The following PTPRD variants were observed in gnomAD, a reference collection of about 807,000 sequenced individuals.
PTPRD encodes the protein receptor-type tyrosine-protein phosphatase delta.
PTPRD carries 34 observed loss-of-function variants against 214.5 expected under a neutral mutation model. The ratio of observed to expected loss-of-function variants is 0.16; its 90% CI spans 0.12 to 0.21. The LOEUF is 0.21. PTPRD is among the 10% of genes least tolerant of loss of function. The probability of loss-of-function intolerance (pLI) is 1.00; values close to 1 mark genes in which losing one functional copy is unlikely to be tolerated. For missense variants in PTPRD, 2,545 were observed against 2,398.7 expected, an observed-to-expected ratio of 1.06 and a Z score of -1.27; for synonymous variants, 1,128 against 845.7, an observed-to-expected ratio of 1.33 and a Z score of -5.79.
At chr9:9,550,377 A>G (rs117999702) in intron 8 of PTPRD, among the ~76,000 whole-genome samples, 2,453 of 149,510 alleles carry the variant, frequency 0.016, 38 homozygotes, top group Admixed American at 0.026. Context: ...TCATATACAT[A>G]TAGTTCTCTC....
intron 10 of PTPRD, among the ~76,000 whole-genome samples, chr9:9,170,178 G>A (rs1299415122): frequency 6.6e-6 from 1 of 152,172 alleles, no homozygotes; most frequent in African/African-American, 2.4e-5. Flanking sequence ...AATAACACCA[G>A]AGGAGCAATT....
rs542334694 is a variant in PTPRD at position 10,353,380 on chromosome 9, T to A, written c.-599-12363A>T. ...TCCTGGCATTTGACTATTTCAGAGTTTGTTTATTCCACTTCCTAACAGCAC... is the reference window on the plus strand; with the variant it reads ...TCCTGGCATTTGACTATTTCAGAGTATGTTTATTCCACTTCCTAACAGCAC... On this transcript the variant is annotated intron_variant, in intron 2 of 45. Coordinates refer to ENST00000381196, the MANE Select transcript of PTPRD (RefSeq NM_002839.4). Among the ~76,000 whole-genome samples the A allele has an allele frequency of 3.3e-4, 50 of 152,114 alleles. No homozygotes were observed. The South Asian group carries it at 0.01, about 31-fold the overall frequency.
At chr9:9,627,539 T>C (rs961608830) in intron 7 of PTPRD, among the ~76,000 whole-genome samples, 4 of 152,208 alleles carry the variant, frequency 2.6e-5, no homozygotes, top group African/African-American at 9.6e-5. Context: ...TCTTCTTCTC[T>C]GTAAGGTGGG....
chr9:9,777,043 A>G (rs1231194140), intron 5 of PTPRD, among the ~76,000 whole-genome samples: 2 of 152,204 alleles, frequency 1.3e-5, no homozygotes, highest in Admixed American at 1.3e-4. Context: ...GAGTTGTTTT[A>G]TAAACACATA....
At chr9:8,464,553 T>C (rs1436562116) in intron 32 of PTPRD, among the ~76,000 whole-genome samples, 1 of 152,038 alleles carries the variant, frequency 6.6e-6, no homozygotes, top group East Asian at 1.9e-4. Context: ...CTTTGATACA[T>C]TGTGAGCTGC....
At chr9:9,784,947 G>C (rs1441083138) in intron 5 of PTPRD, among the ~76,000 whole-genome samples, 1 of 148,134 alleles carries the variant, frequency 6.8e-6, no homozygotes, top group East Asian at 2.0e-4. Context: ...GTTTGAGCAG[G>C]GTTTGCTATG....
intron 14 of PTPRD, among the ~76,000 whole-genome samples, chr9:8,593,690 G>A (rs998399375): frequency 6.6e-6 from 1 of 152,186 alleles, no homozygotes; most frequent in Admixed American, 6.5e-5. Context: ...ATATCCTTAA[G>A]AGGAGTGGTA....
chr9:10,026,717 T>C, intron 4 of PTPRD, among the ~76,000 whole-genome samples: 1 of 152,110 alleles, frequency 6.6e-6, no homozygotes, highest in South Asian at 2.1e-4. Flanking sequence ...GTTTTCACAA[T>C]AGACAATATT....
chr9:8,709,242 C>A (rs997467862), intron 12 of PTPRD, among the ~76,000 whole-genome samples: 1 of 152,036 alleles, frequency 6.6e-6, no homozygotes, highest in African/African-American at 2.4e-5. Context: ...AGGCCAGGCG[C>A]AGTGGCTCGC....
intron 2 of PTPRD, among the ~76,000 whole-genome samples, chr9:10,361,003 G>A (rs1034521400): frequency 1.3e-5 from 2 of 152,114 alleles, no homozygotes; most frequent in Non-Finnish European, 2.9e-5. Flanking sequence ...TCGGGAGGCT[G>A]AGGCAGGAGA....
At chr9:9,632,204 A>G (rs2095616903) in intron 7 of PTPRD, among the ~76,000 whole-genome samples, 2 of 152,228 alleles carry the variant, frequency 1.3e-5, no homozygotes, top group Non-Finnish European at 1.5e-5. Flanking sequence ...ATGATGGACT[A>G]TTACACAACC....
At chr9:9,990,463 A>C (rs10816271) in intron 4 of PTPRD, among the ~76,000 whole-genome samples, 104,927 of 151,944 alleles carry the variant, frequency 0.69, 36,668 homozygotes, top group Middle Eastern at 0.78. Flanking sequence ...CCTCCTTACC[A>C]CCTCCCCTCC....
At chr9:9,683,219 T>C (rs2097107182) in intron 7 of PTPRD, among the ~76,000 whole-genome samples, 1 of 151,766 alleles carries the variant, frequency 6.6e-6, no homozygotes, top group Non-Finnish European at 1.5e-5. Flanking sequence ...AAGTGACCTG[T>C]TGTTAATTAA....
intron 5 of PTPRD, among the ~76,000 whole-genome samples, chr9:9,938,236 G>T (rs938219400): frequency 1.3e-5 from 2 of 152,054 alleles, no homozygotes; most frequent in African/African-American, 4.8e-5. Context: ...TCTACTTCTA[G>T]CTCAGATATT....
intron 2 of PTPRD, among the ~76,000 whole-genome samples, chr9:10,489,293 C>A (rs1566462584): frequency 6.6e-6 from 1 of 152,194 alleles, no homozygotes; most frequent in African/African-American, 2.4e-5. Context: ...ATTACCCTGA[C>A]TGGCACCTTA....
intron 3 of PTPRD, among the ~76,000 whole-genome samples, chr9:10,114,708 G>A (rs2154239831): frequency 6.6e-6 from 1 of 152,080 alleles, no homozygotes; most frequent in African/African-American, 2.4e-5. Context: ...GCTTCCTTGT[G>A]AATCTAAAGA....
At position 8,486,077 on chromosome 9, in the gene PTPRD, G is replaced by A. The variant is rs755319777; in HGVS notation, c.2740C>T (p.Pro914Ser). The change falls in exon 28 of 46, where the codon CCA (proline) becomes TCA (serine). Residue 914 changes from proline (P) to serine (S), a missense_variant. By Grantham distance (74) the Pro-to-Ser change is moderately conservative. Coordinates refer to ENST00000381196, the MANE Select transcript of PTPRD (RefSeq NM_002839.4). ...GEEMVKEISI[P>S]EEVPTGFPQN... ...GGGAATCCAGTTGGTACTTCTTCTGGAATGGAAATCTCCTTCACCATCTCC... is the reference window on the plus strand; with the variant it reads ...GGGAATCCAGTTGGTACTTCTTCTGAAATGGAAATCTCCTTCACCATCTCC... 15 of 1,614,154 alleles carry A rather than the reference G, an allele frequency of 9.3e-6. No homozygotes were observed. Among genetic ancestry groups the A allele is most frequent in the Non-Finnish European group, 1.3e-5 (15 of 1,180,028 alleles).
At chr9:9,024,180 C>T (rs1363982580) in intron 10 of PTPRD, among the ~76,000 whole-genome samples, 1 of 151,450 alleles carries the variant, frequency 6.6e-6, no homozygotes, top group Non-Finnish European at 1.5e-5. Flanking sequence ...ATTAATAGTG[C>T]TATGTTCTCT....
chr9:8,677,586 A>G (rs2097454587), intron 12 of PTPRD, among the ~76,000 whole-genome samples: 1 of 152,218 alleles, frequency 6.6e-6, no homozygotes, highest in Non-Finnish European at 1.5e-5. Flanking sequence ...GAGTGATGAA[A>G]TAATAAGTAC....
Sources: gnomAD v4.1 joint callset for allele counts (sites outside exome capture counted in the v4.1 genomes callset) on GRCh38, gnomAD v4.1.1 for gene constraint, MANE v1.5 for transcripts, NCBI Gene and HGNC (gene_info 2026-07-23, HGNC 2026-07-21) for gene names.